The following SNX27 variants were observed in gnomAD, a reference collection of about 807,000 sequenced individuals.
The protein encoded by SNX27 is sorting nexin 27, also known as sorting nexin-27.
Under a neutral mutation model 71.6 loss-of-function variants are expected in SNX27, and 22 were observed. The observed-to-expected ratio is 0.31, with a 90% confidence interval of 0.22 to 0.44. The LOEUF (loss-of-function observed/expected upper bound fraction) is 0.44. SNX27 is among the 20% of genes least tolerant of loss of function. The pLI, the probability that SNX27 is intolerant of heterozygous loss-of-function variation, is 1.00. For synonymous variants in SNX27, 269 were observed against 277.2 expected (o/e 0.97, Z 0.29); for missense variants, 531 against 698.6 (o/e 0.76, Z 2.70).
chr1:151,629,461 GTATATATACA>G (rs1668100697), intron 1 of SNX27: 2 of 60,296 alleles, frequency 3.3e-5, no homozygotes, highest in Non-Finnish European at 7.5e-5. Flanking sequence ...GTATATATAC[GTATATATACA>G]TATATACGTA....
At chr1:151,676,680 T>A (rs1670717902) in intron 7 of SNX27, 1 of 152,208 alleles carries the variant, frequency 6.6e-6, no homozygotes, top group African/African-American at 2.4e-5. Flanking sequence ...TGATTTCTAC[T>A]AACATTTTCT....
Position 151,693,418 on chromosome 1 carries a change from T to C in SNX27, c.1519-6T>C, listed in dbSNP as rs1420752636. ...AGTTAGTGAGTGTCACCACCTTTTTTTTCAGTTCAATTACATGCATGAGTG... is the reference window on the plus strand; with the variant it reads ...AGTTAGTGAGTGTCACCACCTTTTTCTTCAGTTCAATTACATGCATGAGTG... On this transcript the variant is annotated splice_polypyrimidine_tract_variant and splice_region_variant and intron_variant, in intron 10 of 11. Coordinates refer to ENST00000458013, the MANE Select transcript of SNX27 (RefSeq NM_001330723.2). 1.2e-6 allele frequency: 2 copies of C among 1,614,126 alleles called. No individual in the cohort carries two copies. Among genetic ancestry groups the C allele is most frequent in the East Asian group, 4.5e-5 (2 of 44,894 alleles).
At chr1:151,692,715 G>A (rs1318081201) in intron 9 of SNX27, 131 bp downstream of exon 9, 3 of 1,430,834 alleles carry the variant, frequency 2.1e-6, no homozygotes, top group Non-Finnish European at 2.8e-6. Context: ...CAAATAAACA[G>A]GCATGGAATC....
intron 2 of SNX27, among the ~76,000 whole-genome samples, chr1:151,644,763 GATTT>G (rs965083621): frequency 2.0e-5 from 3 of 152,054 alleles, no homozygotes; most frequent in Admixed American, 6.6e-5. Context: ...CATTTTGAGG[GATTT>G]ATTTATTTAT....
At chr1:151,686,718 C>A (rs1166217103) in intron 8 of SNX27, among the ~76,000 whole-genome samples, 2 of 152,244 alleles carry the variant, frequency 1.3e-5, no homozygotes, top group African/African-American at 4.8e-5. Context: ...AGCCCATAGG[C>A]CCTGATGCCA....
At chr1:151,655,535 A>G (rs1571827794) in intron 2 of SNX27, among the ~76,000 whole-genome samples, 1 of 152,314 alleles carries the variant, frequency 6.6e-6, no homozygotes, top group East Asian at 1.9e-4. Context: ...TATTCAACTC[A>G]GTGAAGTTGC....
At position 151,617,373 on chromosome 1, in the gene SNX27, G is replaced by C. The variant is rs190845838; in HGVS notation, c.311+4861G>C. Among the ~76,000 whole-genome samples the C allele has an allele frequency of 1.9e-3, 293 of 152,094 alleles. 4 individuals carry two copies. Among genetic ancestry groups the C allele is most frequent in the African/African-American group, 6.7e-3 (277 of 41,480 alleles). On this transcript the variant is annotated intron_variant, in intron 1 of 11. Coordinates refer to ENST00000458013, the MANE Select transcript of SNX27 (RefSeq NM_001330723.2). Reference sequence around the variant, plus strand: ...GGCTCACTGCAACCTCCGCCTCCCGGGTTCAAGCAATTCCCCTGCCTCAGC... The same window carrying C: ...GGCTCACTGCAACCTCCGCCTCCCGCGTTCAAGCAATTCCCCTGCCTCAGC...
intron 1 of SNX27, chr1:151,615,879 G>A (rs1482869778): frequency 1.1e-6 from 1 of 950,520 alleles, no homozygotes; most frequent in Non-Finnish European, 1.3e-6. Flanking sequence ...CAGTTTCTTT[G>A]TGTTTCTTTT....
chr1:151,674,978 G>A (rs182257676), intron 7 of SNX27, among the ~76,000 whole-genome samples: 2 of 152,186 alleles, frequency 1.3e-5, no homozygotes, highest in East Asian at 3.9e-4. Context: ...GAGCCACCGC[G>A]CCCGGCACTG....
At chr1:151,687,945 C>CAA (rs10580377) in intron 8 of SNX27, among the ~76,000 whole-genome samples, 5 of 111,460 alleles carry the variant, frequency 4.5e-5, no homozygotes, top group African/African-American at 1.2e-4. Context: ...GAGTCTGTCT[C>CAA]AAAAAAAAAA....
At position 151,672,117 on chromosome 1, in the gene SNX27, G is replaced by T. The variant is rs919846969; in HGVS notation, c.1149+3482G>T. Reference sequence around the variant, plus strand: ...AGACTTTCAGTTTCTCCCCATTCAGGATGGTAGTAGCTGTGGATCTGTCAT... The same window carrying T: ...AGACTTTCAGTTTCTCCCCATTCAGTATGGTAGTAGCTGTGGATCTGTCAT... On this transcript the variant is annotated intron_variant, in intron 7 of 11. Coordinates refer to ENST00000458013, the MANE Select transcript of SNX27 (RefSeq NM_001330723.2). Among the ~76,000 whole-genome samples the T allele has an allele frequency of 6.6e-5, 10 of 152,238 alleles. 1 individual carries two copies. The highest frequency in any genetic ancestry group is 4.2e-4 in the South Asian group (2 of 4,814).
At chr1:151,682,540 C>T (rs1466777298) in intron 7 of SNX27, among the ~76,000 whole-genome samples, 1 of 152,078 alleles carries the variant, frequency 6.6e-6, no homozygotes, top group African/African-American at 2.4e-5. Flanking sequence ...CCAGGCTGGT[C>T]TCGAACTCCT....
intron 1 of SNX27, among the ~76,000 whole-genome samples, chr1:151,635,806 G>A (rs1452197545): frequency 2.0e-5 from 3 of 152,034 alleles, no homozygotes; most frequent in Non-Finnish European, 4.4e-5. Context: ...AGAGGTTTTT[G>A]GAATTATAGT....
intron 1 of SNX27, among the ~76,000 whole-genome samples, chr1:151,635,369 A>G (rs1489855782): frequency 2.6e-5 from 4 of 152,212 alleles, no homozygotes; most frequent in Non-Finnish European, 1.5e-5. Flanking sequence ...AAACAGCACA[A>G]TTGGTATTCA....
At chr1:151,674,447 C>T (rs1211818867) in intron 7 of SNX27, among the ~76,000 whole-genome samples, 2 of 152,114 alleles carry the variant, frequency 1.3e-5, no homozygotes, top group African/African-American at 4.8e-5. Context: ...TTGATTGGTT[C>T]ATCAAACCAT....
Position 151,633,086 on chromosome 1 carries a change from A to G in SNX27, c.312-5802A>G, listed in dbSNP as rs376316985. 1.5e-4 allele frequency among the ~76,000 whole-genome samples: 23 copies of G among 151,548 alleles called. 1 individual carries two copies. The East Asian group carries it at 4.3e-3, about 28-fold the overall frequency. ...ATGGGGTTTCACCGTGTTAGCCAGG[A>G]TGGTCTTGATCTCCTGACCTCGTGA... On this transcript the variant is annotated intron_variant, in intron 1 of 11. Coordinates refer to ENST00000458013, the MANE Select transcript of SNX27 (RefSeq NM_001330723.2).
intron 7 of SNX27, among the ~76,000 whole-genome samples, chr1:151,682,927 C>G (rs1571867874): frequency 6.6e-6 from 1 of 152,150 alleles, no homozygotes; most frequent in Non-Finnish European, 1.5e-5. Context: ...CCCAGCTACT[C>G]TGGAGGCTGA....
intron 2 of SNX27, among the ~76,000 whole-genome samples, chr1:151,641,814 G>T: frequency 7.3e-6 from 1 of 136,144 alleles, no homozygotes; most frequent in Non-Finnish European, 1.5e-5. Context: ...AGATATATAT[G>T]AGATATATAT....
intron 1 of SNX27, among the ~76,000 whole-genome samples, chr1:151,623,974 A>G (rs1667797908): frequency 6.6e-6 from 1 of 152,004 alleles, no homozygotes; most frequent in Non-Finnish European, 1.5e-5. Flanking sequence ...TTATTTATTT[A>G]TTTTAGAGAC....
Sources: gnomAD v4.1 joint callset for allele counts (sites outside exome capture counted in the v4.1 genomes callset) on GRCh38, gnomAD v4.1.1 for gene constraint, MANE v1.5 for transcripts, NCBI Gene and HGNC (gene_info 2026-07-23, HGNC 2026-07-21) for gene names.